The following POC1B variants were observed in gnomAD, a reference collection of about 807,000 sequenced individuals.
The protein encoded by POC1B is POC1 centriolar protein B.
POC1B carries 44 observed loss-of-function variants against 60.6 expected under a neutral mutation model. The observed-to-expected ratio is 0.73, with a 90% CI of 0.57 to 0.93. The LOEUF is 0.93. Among genes scored for constraint, POC1B ranks in the 40% least tolerant of loss-of-function variants. The pLI is 0.00. For synonymous variants in POC1B, 180 were observed against 198.9 expected, an observed-to-expected ratio of 0.90 and a Z score of 0.80; for missense variants, 555 against 572.3, an observed-to-expected ratio of 0.97 and a Z score of 0.31.
intron 10 of POC1B, among the ~76,000 whole-genome samples, chr12:89,448,214 A>C (rs1483580480): frequency 6.6e-6 from 1 of 152,136 alleles, no homozygotes; most frequent in Non-Finnish European, 1.5e-5. Context: ...CTGAAGCTGG[A>C]GGATGGCTTG....
intron 3 of POC1B, among the ~76,000 whole-genome samples, chr12:89,493,662 G>A (rs1171559587): frequency 1.3e-5 from 2 of 152,180 alleles, no homozygotes; most frequent in Non-Finnish European, 2.9e-5. Context: ...ACAAAGAAAA[G>A]AAAAGGCATC....
intron 4 of POC1B, among the ~76,000 whole-genome samples, chr12:89,482,850 C>A (rs1868416216): frequency 6.6e-6 from 1 of 152,090 alleles, no homozygotes; most frequent in Non-Finnish European, 1.5e-5. Flanking sequence ...TTATAGTTCC[C>A]ATAATCCTCA....
At chr12:89,436,910 C>T (rs1881293628) in intron 10 of POC1B, among the ~76,000 whole-genome samples, 1 of 152,148 alleles carries the variant, frequency 6.6e-6, no homozygotes, top group Non-Finnish European at 1.5e-5. Flanking sequence ...ATTCTCAAAT[C>T]CAGATTTCTG....
chr12:89,457,171 T>A (rs1882294668), intron 10 of POC1B, among the ~76,000 whole-genome samples: 3 of 152,174 alleles, frequency 2.0e-5, no homozygotes, highest in Admixed American at 2.0e-4. Flanking sequence ...ACAAAAATAT[T>A]GAATGCAATT....
intron 2 of POC1B, chr12:89,501,675 C>T (rs763853490): frequency 4.6e-5 from 49 of 1,072,956 alleles, no homozygotes; most frequent in Non-Finnish European, 6.7e-5. Context: ...GAAGAATTTC[C>T]AGGCATCCGT....
rs1730752596 is a variant in POC1B at position 89,523,366 on chromosome 12, T to C, written c.100+1754A>G. ...TTTTCTTGCTGGAGGGTTTCTATTG[T>C]AGAAGTGCTCTTTGTATTCATCCAT... On this transcript the variant is annotated intron_variant, in intron 2 of 11. Coordinates refer to ENST00000313546, the MANE Select transcript of POC1B (RefSeq NM_172240.3). 1 of 1,613,950 alleles carries C rather than the reference T, an allele frequency of 6.2e-7. No homozygotes were observed. Among genetic ancestry groups the C allele is most frequent in the Admixed American group, 1.7e-5 (1 of 60,014 alleles).
intron 2 of POC1B, chr12:89,502,379 A>G: frequency 1.3e-6 from 2 of 1,592,498 alleles, no homozygotes; most frequent in Non-Finnish European, 1.7e-6. Context: ...CAGCAAATAG[A>G]TTATCAAGGA....
intron 2 of POC1B, among the ~76,000 whole-genome samples, chr12:89,509,549 T>A (rs1711841821): frequency 6.6e-6 from 1 of 151,994 alleles, no homozygotes; most frequent in African/African-American, 2.4e-5. Flanking sequence ...AGCTAAGGAG[T>A]AAGACAGAAA....
rs545143415 is a variant in POC1B at position 89,455,672 on chromosome 12, A to G, written c.1113+3966T>C. Among the ~76,000 whole-genome samples, 12 of 152,332 alleles carry G rather than the reference A, an allele frequency of 7.9e-5. No individual in the cohort carries two copies. The East Asian group carries it at 2.3e-3, about 29-fold the overall frequency. On this transcript the variant is annotated intron_variant, in intron 10 of 11. Coordinates refer to ENST00000313546, the MANE Select transcript of POC1B (RefSeq NM_172240.3). ...ACTGTAGACCCTTGGATTTTTTTCT[A>G]TAACATAACTGCATGTTTATTGTAA...
chr12:89,486,340 G>A (rs978800532), intron 4 of POC1B, among the ~76,000 whole-genome samples: 2 of 152,164 alleles, frequency 1.3e-5, no homozygotes, highest in Admixed American at 6.5e-5. Flanking sequence ...AGGAGAAGCA[G>A]AAACCTTTCT....
the POC1B span, among the ~76,000 whole-genome samples, chr12:89,405,987 T>G: frequency 1.4e-5 from 2 of 144,772 alleles, no homozygotes; most frequent in East Asian, 2.0e-4. Context: ...AAGTTTTGAG[T>G]GTTTTTTTTT....
At chr12:89,496,045 G>C (rs1360002740) in intron 3 of POC1B, among the ~76,000 whole-genome samples, 1 of 152,106 alleles carries the variant, frequency 6.6e-6, no homozygotes, top group Non-Finnish European at 1.5e-5. Context: ...ACAGGCGTGA[G>C]CCACTGTGCC....
intron 2 of POC1B, chr12:89,524,883 G>T: frequency 3.0e-6 from 2 of 672,954 alleles, no homozygotes; most frequent in Non-Finnish European, 4.9e-6. Flanking sequence ...TGCGAAAGTC[G>T]TCCGCCAGGC....
chr12:89,518,898 A>G (rs1870619237), intron 2 of POC1B, among the ~76,000 whole-genome samples: 1 of 152,202 alleles, frequency 6.6e-6, no homozygotes, highest in Non-Finnish European at 1.5e-5. Context: ...AAATGCAGCT[A>G]TAAGACCATC....
intron 2 of POC1B, among the ~76,000 whole-genome samples, chr12:89,512,481 A>C (rs1283574555): frequency 1.3e-5 from 2 of 152,228 alleles, no homozygotes; most frequent in Non-Finnish European, 2.9e-5. Flanking sequence ...TATCAAGCCC[A>C]GGCACGGTGG....
intron 10 of POC1B, among the ~76,000 whole-genome samples, chr12:89,442,644 A>C (rs1881578603): frequency 6.6e-6 from 1 of 152,256 alleles, no homozygotes; most frequent in African/African-American, 2.4e-5. Flanking sequence ...CAGCCACTGC[A>C]AAAACATGCC....
intron 10 of POC1B, chr12:89,426,699 C>T (rs910782468): frequency 5.3e-5 from 8 of 151,968 alleles, no homozygotes; most frequent in Admixed American, 5.2e-4. Context: ...TGGTACACGC[C>T]TGTAATCCCA....
chr12:89,459,867 C>T (rs1882418625), intron 9 of POC1B, 149 bp from the exon 10 acceptor site: 1 of 487,046 alleles, frequency 2.1e-6, no homozygotes, highest in East Asian at 3.2e-5. Flanking sequence ...AAATTTTAAG[C>T]TAAATGTTAG....
chr12:89,519,857 T>G (rs1451586942), intron 2 of POC1B: 5 of 152,438 alleles, frequency 3.3e-5, no homozygotes, highest in Admixed American at 3.3e-4. Context: ...TCCGTAAAGT[T>G]GGACACTAAA....
Sources: allele counts gnomAD v4.1 joint callset (sites outside exome capture counted in the v4.1 genomes callset), GRCh38; gene constraint gnomAD v4.1.1; transcripts MANE v1.5; gene names NCBI Gene and HGNC (gene_info 2026-07-23, HGNC 2026-07-21).